Variants in BTBD9 observed in about 807,000 individuals in gnomAD.
BTBD9 encodes the protein BTB domain containing 9, also known as BTB/POZ domain-containing protein 9.
Under a neutral mutation model 64.3 loss-of-function variants are expected in BTBD9, and 49 were observed. The observed-to-expected ratio is 0.76, with a 90% confidence interval of 0.61 to 0.97. The LOEUF (loss-of-function observed/expected upper bound fraction) is 0.97, where lower values mean the gene tolerates loss of function less well. Ranked by LOEUF, BTBD9 falls within the 50% of genes least tolerant of loss-of-function variation. The pLI, the probability that BTBD9 is intolerant of heterozygous loss-of-function variation, is 0.00. For synonymous variants in BTBD9, 260 were observed against 274.7 expected, an observed-to-expected ratio of 0.95 and a Z score of 0.53; for missense variants, 598 against 762.1, an observed-to-expected ratio of 0.78 and a Z score of 2.53.
chr6:38,300,314 A>T (rs1361074531), intron 7 of BTBD9, among the ~76,000 whole-genome samples: 5 of 151,994 alleles, frequency 3.3e-5, no homozygotes, highest in Non-Finnish European at 5.9e-5. Context: ...TTTGTTCTTT[A>T]GGCTTAGGAT....
rs920304419 is a variant in BTBD9 at position 38,424,622 on chromosome 6, T to C, written c.1155-79529A>G. 5.3e-5 allele frequency among the ~76,000 whole-genome samples: 8 copies of C among 151,788 alleles called. 1 individual carries two copies. The highest frequency in any genetic ancestry group is 1.9e-4 in the African/African-American group (8 of 41,206). ...ACCGCTGCCTCCCGGGTTCAAGAGA[T>C]TCTCCTGCCTCAGCCTCCCAAGCAG... On this transcript the variant is annotated intron_variant, in intron 6 of 10. Transcript: ENST00000481247.
chr6:38,249,842 G>A (rs1265639968), intron 9 of BTBD9, among the ~76,000 whole-genome samples: 1 of 151,622 alleles, frequency 6.6e-6, no homozygotes, highest in Admixed American at 6.6e-5. Context: ...GAGCTACTCT[G>A]GCTTAGAAGC....
intron 10 of BTBD9, among the ~76,000 whole-genome samples, chr6:38,179,058 G>A (rs756945498): frequency 1.3e-5 from 2 of 152,012 alleles, no homozygotes; most frequent in Admixed American, 1.3e-4. Context: ...TCACCATGTT[G>A]GCCAGGATGG....
At chr6:38,281,038 C>G (rs960865062) in intron 8 of BTBD9, among the ~76,000 whole-genome samples, 22 of 152,292 alleles carry the variant, frequency 1.4e-4, no homozygotes, top group African/African-American at 5.3e-4. Flanking sequence ...AGATTGAGTG[C>G]AGCACAGATG....
At chr6:38,515,862 A>G (rs1773002433) in intron 6 of BTBD9, among the ~76,000 whole-genome samples, 1 of 152,224 alleles carries the variant, frequency 6.6e-6, no homozygotes, top group Admixed American at 6.5e-5. Flanking sequence ...AAATGGAGAC[A>G]GAGGGTGGAT....
Position 38,435,381 on chromosome 6 carries a change from T to A in BTBD9, c.1155-90288A>T, listed in dbSNP as rs1253074444. Among the ~76,000 whole-genome samples, 17 of 151,100 alleles carry A rather than the reference T, an allele frequency of 1.1e-4. 1 individual carries two copies. Among genetic ancestry groups the A allele is most frequent in the African/African-American group, 4.2e-4 (17 of 40,772 alleles). On this transcript the variant is annotated intron_variant, in intron 6 of 10. Coordinates refer to ENST00000481247, the MANE Select transcript of BTBD9 (RefSeq NM_001099272.2). ...CCCGGTGTGGTGGCGGTGCCTGTAA[T>A]CCCAGCTGCTCAGGAGGCTAAGGCA...
chr6:38,466,284 T>C (rs1016160273), intron 6 of BTBD9, among the ~76,000 whole-genome samples: 2 of 1,110 alleles, frequency 1.8e-3, no homozygotes, highest in Non-Finnish European at 8.8e-3. Context: ...TTCCTTTTCC[T>C]TTTTTTTTTT....
chr6:38,619,705 T>G (rs1266908644), intron 1 of BTBD9, among the ~76,000 whole-genome samples: 2 of 152,218 alleles, frequency 1.3e-5, no homozygotes, highest in African/African-American at 4.8e-5. Flanking sequence ...TCCTGGACAC[T>G]GGCACAGCTT....
chr6:38,517,647 A>G (rs1387013989), intron 6 of BTBD9, among the ~76,000 whole-genome samples: 2 of 152,196 alleles, frequency 1.3e-5, no homozygotes, highest in Admixed American at 6.5e-5. Context: ...ACAGGAAGAA[A>G]TATCAGGCAG....
chr6:38,593,917 A>T, intron 3 of BTBD9, 47 bp downstream of exon 3: 1 of 1,485,012 alleles, frequency 6.7e-7, no homozygotes, highest in Non-Finnish European at 9.2e-7. Flanking sequence ...TATAGGTATA[A>T]ATAAAACAAT....
intron 6 of BTBD9, among the ~76,000 whole-genome samples, chr6:38,379,008 C>A (rs1382066858): frequency 2.0e-5 from 3 of 152,080 alleles, no homozygotes; most frequent in African/African-American, 7.2e-5. Context: ...CAAACCCGGA[C>A]ATTTTTAAGT....
chr6:38,509,313 A>G (rs879796819), intron 6 of BTBD9, among the ~76,000 whole-genome samples: 2 of 152,236 alleles, frequency 1.3e-5, no homozygotes, highest in South Asian at 2.1e-4. Flanking sequence ...TTTTACTTTC[A>G]GTGTTAAGTT....
chr6:38,554,861 T>C (rs1031440367), intron 6 of BTBD9, among the ~76,000 whole-genome samples: 9 of 152,256 alleles, frequency 5.9e-5, no homozygotes, highest in Non-Finnish European at 8.8e-5. Flanking sequence ...CAGCGGAGCC[T>C]GCCAAGTCTA....
chr6:38,505,635 A>T (rs1189983380), intron 6 of BTBD9, among the ~76,000 whole-genome samples: 1 of 151,478 alleles, frequency 6.6e-6, no homozygotes, highest in Admixed American at 6.6e-5. Flanking sequence ...AGAAAAAAAA[A>T]AAATCCCCCA....
At chr6:38,247,407 A>G (rs1382314604) in intron 9 of BTBD9, among the ~76,000 whole-genome samples, 1 of 152,234 alleles carries the variant, frequency 6.6e-6, no homozygotes, top group Non-Finnish European at 1.5e-5. Flanking sequence ...GGGACAGACA[A>G]TGCTTCTCGG....
chr6:38,501,400 C>G (rs554906353), intron 6 of BTBD9, among the ~76,000 whole-genome samples: 1 of 152,310 alleles, frequency 6.6e-6, no homozygotes, highest in East Asian at 1.9e-4. Context: ...ACTTCTGGTC[C>G]CAAGCATTTC....
chr6:38,209,339 C>T (rs956610473), intron 9 of BTBD9, among the ~76,000 whole-genome samples: 3 of 152,174 alleles, frequency 2.0e-5, no homozygotes, highest in Non-Finnish European at 2.9e-5. Context: ...GATTTAGCAC[C>T]AGAACTGACA....
intron 6 of BTBD9, among the ~76,000 whole-genome samples, chr6:38,363,967 T>C (rs892601963): frequency 6.6e-6 from 1 of 152,214 alleles, no homozygotes; most frequent in African/African-American, 2.4e-5. Flanking sequence ...TCTGCTGCAG[T>C]ATGGCTGTCA....
At chr6:38,330,693 T>C (rs776293565) in intron 7 of BTBD9, among the ~76,000 whole-genome samples, 14 of 148,730 alleles carry the variant, frequency 9.4e-5, no homozygotes, top group South Asian at 2.1e-4. Flanking sequence ...GAGAGCAAAA[T>C]AGATGACGAA....
Sources: allele counts gnomAD v4.1 joint callset (sites outside exome capture counted in the v4.1 genomes callset), GRCh38; gene constraint gnomAD v4.1.1; transcripts MANE v1.5; gene names NCBI Gene and HGNC (gene_info 2026-07-23, HGNC 2026-07-21).